The following PPP2R3A variants were observed in gnomAD, a reference collection of about 807,000 sequenced individuals.
The protein encoded by PPP2R3A is serine/threonine-protein phosphatase 2A regulatory subunit B'' subunit alpha.
Under a neutral mutation model 106.9 loss-of-function variants are expected in PPP2R3A, and 80 were observed. The ratio of observed to expected loss-of-function variants is 0.75; its 90% CI spans 0.62 to 0.90. PPP2R3A has a LOEUF of 0.90. PPP2R3A is among the 40% of genes least tolerant of loss of function. The probability of loss-of-function intolerance (pLI) is 0.00; values close to 1 mark genes in which losing one functional copy is unlikely to be tolerated. For synonymous variants in PPP2R3A, 483 were observed against 468.3 expected, an observed-to-expected ratio of 1.03 and a Z score of -0.41; for missense variants, 1,386 against 1,350.4, an observed-to-expected ratio of 1.03 and a Z score of -0.41.
intron 4 of PPP2R3A, among the ~76,000 whole-genome samples, chr3:136,044,570 CAAAAAA>C (rs1247139572): frequency 0.35 from 26,857 of 75,966 alleles, 2,570 homozygotes; most frequent in Middle Eastern, 0.43. Context: ...GACCCTGTCT[CAAAAAA>C]AAAAAAAAAA....
chr3:136,115,211 A>G (rs1353523066), intron 13 of PPP2R3A, among the ~76,000 whole-genome samples: 2 of 152,194 alleles, frequency 1.3e-5, no homozygotes, highest in African/African-American at 4.8e-5. Context: ...ACAGAAAAGA[A>G]TAGCATGTCT....
Position 136,102,183 on chromosome 3 carries a change from G to T in PPP2R3A, c.3103+1G>T. On this transcript the variant is annotated splice_donor_variant, in intron 11 of 13. Coordinates refer to ENST00000264977, the MANE Select transcript of PPP2R3A (RefSeq NM_002718.5). LOFTEE classifies it high-confidence loss of function. Reference sequence around the variant, plus strand: ...GACCTAGTGAAGCCAGCTGTTGATGGTGAGACCAAGCAATGGGACAGATGC... The same window carrying T: ...GACCTAGTGAAGCCAGCTGTTGATGTTGAGACCAAGCAATGGGACAGATGC... 1.2e-6 allele frequency: 2 copies of T among 1,612,644 alleles called. No individual in the cohort carries two copies. Among genetic ancestry groups the T allele is most frequent in the Non-Finnish European group, 1.7e-6 (2 of 1,179,894 alleles).
chr3:136,147,838 G>A lies in PPP2R3A; in HGVS notation c.*2672G>A, dbSNP rs1939201121. 1 of 152,304 alleles carries A rather than the reference G, an allele frequency of 6.6e-6. No individual in the cohort carries two copies. The highest frequency in any genetic ancestry group is 3.4e-3 in the Middle Eastern group (1 of 294). 9.4% of individuals were successfully genotyped at this position (152,304 alleles called of 1,614,324 possible). A position where few individuals can be genotyped will look rare whatever the true frequency, so the allele number is the denominator to read the frequency against. ...AAATGTTAAGATGTGTTTGGAGAAG[G>A]CTGCATGACTTTGTTTTTCCCTTTT... On this transcript the variant is annotated 3_prime_UTR_variant, in exon 14 of 14. Coordinates refer to ENST00000264977, the MANE Select transcript of PPP2R3A (RefSeq NM_002718.5).
intron 4 of PPP2R3A, among the ~76,000 whole-genome samples, chr3:136,041,240 T>TG (rs1935263400): frequency 1.6e-5 from 2 of 128,566 alleles, no homozygotes; most frequent in Admixed American, 1.5e-4. Context: ...TTTTTCTTGT[T>TG]TTTTTTTTTG....
intron 2 of PPP2R3A, among the ~76,000 whole-genome samples, chr3:136,013,835 T>G (rs985829798): frequency 1.3e-5 from 2 of 152,208 alleles, no homozygotes; most frequent in African/African-American, 4.8e-5. Flanking sequence ...CAGAAGCTTT[T>G]TAGTTTAAGT....
chr3:136,048,299 A>C, intron 4 of PPP2R3A, among the ~76,000 whole-genome samples: 1 of 152,308 alleles, frequency 6.6e-6, no homozygotes, highest in East Asian at 1.9e-4. Flanking sequence ...TTGTGCAACC[A>C]CAAGTGCAGG....
chr3:136,029,204 C>T (rs1934775089), intron 3 of PPP2R3A, among the ~76,000 whole-genome samples: 1 of 152,186 alleles, frequency 6.6e-6, no homozygotes. Flanking sequence ...CTCAGGTAAG[C>T]AGACAAAGAG....
At position 136,002,460 on chromosome 3, in the gene PPP2R3A, C is replaced by G; in HGVS notation, c.962C>G (p.Pro321Arg). The G allele has an allele frequency of 6.2e-7, 1 of 1,613,966 alleles. No individual in the cohort carries two copies. The highest frequency in any genetic ancestry group is 8.5e-7 in the Non-Finnish European group (1 of 1,179,902). Reference sequence around the variant, plus strand: ...AATATGCCTAGCTTACAACTGACTCCCTTCTCCCCAGTGTTTGGCACTGAA... The same window carrying G: ...AATATGCCTAGCTTACAACTGACTCGCTTCTCCCCAGTGTTTGGCACTGAA... The part of the protein sequence containing the change: ...ISNMPSLQLT[P>R]FSPVFGTEQP... Residue 321 changes from proline to arginine, a missense_variant, in exon 2 of 14, where the codon CCC (proline) becomes CGC (arginine). By Grantham distance (103) the Pro-to-Arg change is moderately radical. Transcript: ENST00000264977.
At chr3:135,983,659 T>C (rs972748659) in intron 1 of PPP2R3A, among the ~76,000 whole-genome samples, 3 of 152,254 alleles carry the variant, frequency 2.0e-5, no homozygotes, top group African/African-American at 7.2e-5. Flanking sequence ...CTGCATCTTC[T>C]ATTTGCCTCT....
chr3:136,062,932 T>C (rs1936126570), intron 5 of PPP2R3A, among the ~76,000 whole-genome samples: 1 of 152,182 alleles, frequency 6.6e-6, no homozygotes, highest in Admixed American at 6.5e-5. Context: ...TTAAAGTTCG[T>C]ATGGAACCAA....
At chr3:136,129,304 AATAG>A (rs1938309932) in intron 13 of PPP2R3A, among the ~76,000 whole-genome samples, 1 of 152,212 alleles carries the variant, frequency 6.6e-6, no homozygotes, top group Non-Finnish European at 1.5e-5. Context: ...AGAAGAATCA[AATAG>A]ATGCAATAAA....
At chr3:135,986,892 G>A (rs1932944238) in intron 1 of PPP2R3A, among the ~76,000 whole-genome samples, 1 of 152,040 alleles carries the variant, frequency 6.6e-6, no homozygotes, top group Non-Finnish European at 1.5e-5. Flanking sequence ...CTTATTTAAT[G>A]TAAACATCGT....
chr3:136,138,281 G>A (rs1938704208), intron 13 of PPP2R3A, among the ~76,000 whole-genome samples: 1 of 152,064 alleles, frequency 6.6e-6, no homozygotes, highest in African/African-American at 2.4e-5. Context: ...CACTGTGCTT[G>A]GTAATAAACA....
At chr3:136,060,545 C>T (rs920988368) in intron 5 of PPP2R3A, among the ~76,000 whole-genome samples, 3 of 152,102 alleles carry the variant, frequency 2.0e-5, no homozygotes, top group Non-Finnish European at 4.4e-5. Context: ...GCACCTCCCC[C>T]TTGTTCTCTG....
At chr3:136,010,725 C>T (rs959739288) in intron 2 of PPP2R3A, among the ~76,000 whole-genome samples, 2 of 149,896 alleles carry the variant, frequency 1.3e-5, no homozygotes, top group African/African-American at 4.9e-5. Flanking sequence ...CGCGCCCATC[C>T]CCAAACTCCT....
intron 2 of PPP2R3A, among the ~76,000 whole-genome samples, chr3:136,021,855 T>C: frequency 6.6e-6 from 1 of 152,062 alleles, no homozygotes; most frequent in East Asian, 1.9e-4. Flanking sequence ...AACAGCTATT[T>C]ACATAATACT....
intron 6 of PPP2R3A, among the ~76,000 whole-genome samples, chr3:136,073,892 T>G (rs558976038): frequency 5.5e-4 from 84 of 152,350 alleles, no homozygotes; most frequent in Non-Finnish European, 4.6e-4. Flanking sequence ...GAAATTAATT[T>G]TGTTGTTAGA....
Position 136,002,838 on chromosome 3 carries a change from A to G in PPP2R3A, c.1340A>G (p.His447Arg). ...CATGAGTTATTAAAGGTAAATGAAC[A>G]TAGAGCAGAATTTCCAGAACATGCT... ...PSHELLKVNE[H>R]RAEFPEHATH... The change falls in exon 2 of 14, where the codon CAT (histidine) becomes CGT (arginine). Residue 447 changes from histidine to arginine, a missense_variant. His to Arg is a conservative substitution (Grantham distance 29). Transcript: ENST00000264977. The G allele has an allele frequency of 1.9e-6, 3 of 1,614,084 alleles. No homozygotes were observed. Among genetic ancestry groups the G allele is most frequent in the Non-Finnish European group, 2.5e-6 (3 of 1,179,958 alleles).
chr3:136,067,374 C>T (rs925766258), intron 5 of PPP2R3A, among the ~76,000 whole-genome samples: 1 of 152,098 alleles, frequency 6.6e-6, no homozygotes, highest in African/African-American at 2.4e-5. Flanking sequence ...AGGCAACAAA[C>T]GAGTGATTCA....
Sources: gnomAD v4.1 joint callset for allele counts (sites outside exome capture counted in the v4.1 genomes callset) on GRCh38, gnomAD v4.1.1 for gene constraint, MANE v1.5 for transcripts, NCBI Gene and HGNC (gene_info 2026-07-23, HGNC 2026-07-21) for gene names.